The following WDR86 variants were observed in gnomAD, a reference collection of about 807,000 sequenced individuals.
WDR86 encodes WD repeat domain 86.
WDR86 carries 30 observed loss-of-function variants against 36.5 expected under a neutral mutation model. That is an observed-to-expected ratio of 0.82 (90% confidence interval 0.61 to 1.11). The LOEUF (loss-of-function observed/expected upper bound fraction) is 1.11, where lower values mean the gene tolerates loss of function less well. WDR86 is among the 50% of genes most tolerant of loss of function. WDR86 has a pLI of 0.00. For synonymous variants in WDR86, 255 were observed against 252.9 expected (o/e 1.01, Z -0.08); for missense variants, 545 against 561.2 (o/e 0.97, Z 0.29).
downstream of WDR86, chr7:151,375,902 G>A (rs745872738): frequency 9.9e-6 from 16 of 1,613,178 alleles, no homozygotes; most frequent in South Asian, 4.4e-5. Flanking sequence ...TCCTGAAACC[G>A]ACAACCGTCA....
At chr7:151,375,254 CG>C (rs1266153185), downstream of WDR86, among the ~76,000 whole-genome samples, 3 of 152,148 alleles carry the variant, frequency 2.0e-5, no homozygotes, top group African/African-American at 7.2e-5. Flanking sequence ...TCATCTAGTT[CG>C]TTTTTTTGTG....
At chr7:151,395,703 C>T (rs1799768703) in intron 3 of WDR86, 73 bp downstream of exon 3, 3 of 1,457,288 alleles carry the variant, frequency 2.1e-6, no homozygotes. Flanking sequence ...TCACAGATAC[C>T]CAGGGCAGGG....
chr7:151,372,710 G>A (rs962615234), downstream of WDR86, among the ~76,000 whole-genome samples: 3 of 152,204 alleles, frequency 2.0e-5, no homozygotes, highest in Non-Finnish European at 4.4e-5. Context: ...TGGTGCCTCA[G>A]TGTGGGGAGG....
intron 2 of WDR86, among the ~76,000 whole-genome samples, chr7:151,397,590 T>C (rs1363710040): frequency 4.6e-5 from 7 of 151,694 alleles, no homozygotes; most frequent in African/African-American, 1.7e-4. Flanking sequence ...AAATGATGCC[T>C]TGATGCTGCT....
chr7:151,379,833 G>A (rs546968642), downstream of WDR86, among the ~76,000 whole-genome samples: 6 of 152,282 alleles, frequency 3.9e-5, no homozygotes, highest in East Asian at 3.9e-4. Flanking sequence ...AGGCCAGAGC[G>A]CAGCATCACC....
downstream of WDR86, among the ~76,000 whole-genome samples, chr7:151,375,429 A>G (rs1798170559): frequency 6.6e-6 from 1 of 152,144 alleles, no homozygotes; most frequent in East Asian, 1.9e-4. Context: ...AAGATTAAGT[A>G]TTGTGTGATG....
At chr7:151,392,450 T>A (rs543488848) in intron 3 of WDR86, among the ~76,000 whole-genome samples, 11 of 151,914 alleles carry the variant, frequency 7.2e-5, no homozygotes, top group South Asian at 2.1e-4. Context: ...TGCCCCAGAG[T>A]CCCCCACTGT....
rs893445299 is a variant in WDR86 at position 151,401,905 on chromosome 7, C to T, written c.164-1664G>A. On this transcript the variant is annotated intron_variant, in intron 1 of 5. Transcript: ENST00000334493. The surrounding 1 kb of genome is among the most constrained non-coding windows in gnomAD (Gnocchi z 4.3). ...TCTACTAAAAATACAAAAAATTAGCCGGGCGTGGTGGTGGGCGCCTGTAAT... is the reference window on the plus strand; with the variant it reads ...TCTACTAAAAATACAAAAAATTAGCTGGGCGTGGTGGTGGGCGCCTGTAAT... 6.0e-5 allele frequency among the ~76,000 whole-genome samples: 9 copies of T among 150,528 alleles called. No individual in the cohort carries two copies. Among genetic ancestry groups the T allele is most frequent in the South Asian group, 2.1e-4 (1 of 4,758 alleles).
chr7:151,391,571 G>A (rs1037185747), intron 3 of WDR86, among the ~76,000 whole-genome samples: 3 of 152,110 alleles, frequency 2.0e-5, no homozygotes, highest in East Asian at 1.9e-4. Context: ...GTTTCTCTGC[G>A]CACCGGGTCT....
Position 151,381,273 on chromosome 7 carries a change from G to T in WDR86, c.*309C>A. ...TCGTGGGGCTGGGGGAGCTGGGGCA[G>T]TCCGCCTGCAGCCCCTGAGGTGGGA... On this transcript the variant is annotated 3_prime_UTR_variant, in exon 6 of 6. Coordinates refer to ENST00000334493, the MANE Select transcript of WDR86 (RefSeq NM_198285.3). The surrounding 1 kb of genome is among the most constrained non-coding windows in gnomAD (Gnocchi z 4.8). The T allele has an allele frequency of 7.6e-7, 1 of 1,314,184 alleles. No individual in the cohort carries two copies. The highest frequency in any genetic ancestry group is 9.7e-7 in the Non-Finnish European group (1 of 1,036,246). The allele number at this position is 1,314,184 out of a possible 1,614,324, so 81.4% of individuals were successfully genotyped here. A position where few individuals can be genotyped will look rare whatever the true frequency, so the allele number is the denominator to read the frequency against.
At chr7:151,389,673 T>C (rs1026419110) in intron 3 of WDR86, among the ~76,000 whole-genome samples, 16 of 152,140 alleles carry the variant, frequency 1.1e-4, no homozygotes, top group Non-Finnish European at 2.1e-4. Context: ...TGTGAAGTCC[T>C]TTTGAAGAGC....
downstream of WDR86, among the ~76,000 whole-genome samples, chr7:151,380,249 T>C (rs1302761859): frequency 6.6e-6 from 1 of 152,188 alleles, no homozygotes; most frequent in Non-Finnish European, 1.5e-5. Context: ...CGTCCTTTCC[T>C]TCCTACTGCC....
chr7:151,374,054 C>A (rs1798086852), downstream of WDR86: 2 of 1,524,622 alleles, frequency 1.3e-6, no homozygotes, highest in Admixed American at 2.1e-5. Context: ...GCTGTGAAAT[C>A]TCAGTCCCTA....
rs574248974 is a variant in WDR86, at chr7:151,406,565, A to G, written c.163+2862T>C. On this transcript the variant is annotated intron_variant, in intron 1 of 5. Transcript: ENST00000334493. This position sits in a 1 kb window ranked among gnomAD's most constrained non-coding sequence, Gnocchi z 4.4. ...GCTTCTAGGGATGGGGCCACCACAG[A>G]CCAGCCATGTGGTCTGGACACAACT... 6.6e-6 allele frequency among the ~76,000 whole-genome samples: 1 copy of G among 152,218 alleles called. No homozygotes were observed. Among genetic ancestry groups the G allele is most frequent in the Admixed American group, 6.5e-5 (1 of 15,300 alleles).
rs1800163114 is a variant in WDR86, at chr7:151,399,981, T to G, written c.305+119A>C. ...ACTGACCACCTCCCAGCTGTCCACG[T>G]TTTTGCTTCCCCAGAGAGCCAAGGG... is the stretch of plus-strand genomic sequence containing the variant. On this transcript the variant is annotated intron_variant, in intron 2 of 5. Transcript: ENST00000334493. 5.0e-6 allele frequency: 5 copies of G among 1,002,400 alleles called. 1 individual carries two copies. Among genetic ancestry groups the G allele is most frequent in the Non-Finnish European group, 6.8e-6 (5 of 735,342 alleles). 62.1% of individuals were successfully genotyped at this position (1,002,400 alleles called of 1,614,324 possible).
downstream of WDR86, chr7:151,376,986 G>T (rs949387311): frequency 6.2e-6 from 9 of 1,446,024 alleles, no homozygotes; most frequent in Middle Eastern, 5.4e-4. Context: ...GACTGTGGTC[G>T]TGCAGTGTCC....
Position 151,409,948 on chromosome 7 carries a change from T to G in WDR86, c.-359A>C. ...TCTGGTGCACAAGGAGCCCCCCGCC[T>G]CCTCTCGCGCCCACGGGGCTGGGGC... On this transcript the variant is annotated 5_prime_UTR_variant, in exon 1 of 6. Transcript: ENST00000334493. The surrounding 1 kb of genome is among the most constrained non-coding windows in gnomAD (Gnocchi z 5.2). 9.6e-7 allele frequency: 1 copy of G among 1,037,184 alleles called. No homozygotes were observed. Among genetic ancestry groups the G allele is most frequent in the Non-Finnish European group, 1.2e-6 (1 of 864,514 alleles). The allele number at this position is 1,037,184 out of a possible 1,614,324, so 64.2% of individuals were successfully genotyped here. A position where few individuals can be genotyped will look rare whatever the true frequency, so the allele number is the denominator to read the frequency against.
In WDR86 at chr7:151,390,915, G is replaced by A. The variant is rs544902972; in HGVS notation, c.726+4861C>T. Among the ~76,000 whole-genome samples, 28 of 152,380 alleles carry A rather than the reference G, an allele frequency of 1.8e-4. No individual in the cohort carries two copies. In the South Asian group the frequency reaches 5.2e-3, roughly 28 times the overall value. ...CAGCGGGGAGTCAGTGTTTAATGGGGACAGAGTTCTGATTTGGGCTGATGG... is the reference window on the plus strand; with the variant it reads ...CAGCGGGGAGTCAGTGTTTAATGGGAACAGAGTTCTGATTTGGGCTGATGG... On this transcript the variant is annotated intron_variant, in intron 3 of 5. Transcript: ENST00000334493. The surrounding 1 kb of genome is among the most constrained non-coding windows in gnomAD (Gnocchi z 4.5).
Position 151,388,338 on chromosome 7 carries a change from T to C in WDR86, c.727-3115A>G, listed in dbSNP as rs919516917. Among the ~76,000 whole-genome samples, 1 of 152,262 alleles carries C rather than the reference T, an allele frequency of 6.6e-6. No homozygotes were observed. The highest frequency in any genetic ancestry group is 6.5e-5 in the Admixed American group (1 of 15,290). ...TTATAACTAAAATGTTTAAAACATCTCTGTAAAACCATGAAGGGACAGGGC... is the reference window on the plus strand; with the variant it reads ...TTATAACTAAAATGTTTAAAACATCCCTGTAAAACCATGAAGGGACAGGGC... On this transcript the variant is annotated intron_variant, in intron 3 of 5. Coordinates refer to ENST00000334493, the MANE Select transcript of WDR86 (RefSeq NM_198285.3). This position sits in a 1 kb window ranked among gnomAD's most constrained non-coding sequence, Gnocchi z 4.2.
Sources: allele counts gnomAD v4.1 joint callset (sites outside exome capture counted in the v4.1 genomes callset), GRCh38; gene constraint gnomAD v4.1.1; non-coding constraint Gnocchi (gnomAD v3.1); transcripts MANE v1.5; gene names NCBI Gene and HGNC (gene_info 2026-07-23, HGNC 2026-07-21).